SORCS2: variants seen among roughly 807,000 people sequenced by gnomAD.
SORCS2 encodes the protein VPS10 domain-containing receptor SorCS2.
A neutral mutation model predicts 141.6 loss-of-function variants in SORCS2; 100 were observed. The ratio of observed to expected loss-of-function variants is 0.71; its 90% CI spans 0.60 to 0.83. SORCS2 has a LOEUF of 0.83. Among genes scored for constraint, SORCS2 ranks in the 40% least tolerant of loss-of-function variants. The pLI is 0.00. For missense variants in SORCS2, 1,646 were observed against 1,560.2 expected, an observed-to-expected ratio of 1.05 and a Z score of -0.93; for synonymous variants, 789 against 676.9, an observed-to-expected ratio of 1.17 and a Z score of -2.57.
chr4:7,399,280 A>G (rs1724418033), intron 2 of SORCS2, among the ~76,000 whole-genome samples: 1 of 149,490 alleles, frequency 6.7e-6, no homozygotes. Flanking sequence ...GCCCCTGTGG[A>G]TGGAAGGCTG....
intron 3 of SORCS2, among the ~76,000 whole-genome samples, chr4:7,585,894 G>A (rs1716505308): frequency 6.6e-6 from 1 of 152,218 alleles, no homozygotes; most frequent in South Asian, 2.1e-4. Flanking sequence ...GACATCTGAA[G>A]GGGTTGCTCT....
chr4:7,735,467 G>A (rs989309291), intron 25 of SORCS2: 6 of 154,350 alleles, frequency 3.9e-5, no homozygotes, highest in Middle Eastern at 5.1e-4. Context: ...GTCTGGGAGC[G>A]CGTCCAGGAG....
At chr4:7,597,730 G>C (rs1268547601) in intron 3 of SORCS2, among the ~76,000 whole-genome samples, 13 of 150,948 alleles carry the variant, frequency 8.6e-5, no homozygotes, top group Admixed American at 8.6e-4. Context: ...TATTGCAATG[G>C]AAGAGGGGGC....
intron 7 of SORCS2, among the ~76,000 whole-genome samples, chr4:7,666,153 C>T (rs554228879): frequency 6.9e-4 from 105 of 152,200 alleles, no homozygotes; most frequent in African/African-American, 2.5e-3. Context: ...GAGGCAGGAG[C>T]CGGGCAGTAA....
intron 4 of SORCS2, among the ~76,000 whole-genome samples, chr4:7,641,056 A>G (rs1720697880): frequency 6.6e-6 from 1 of 152,256 alleles, no homozygotes; most frequent in South Asian, 2.1e-4. Flanking sequence ...GGCAAACACA[A>G]GCTGCCCAAA....
intron 1 of SORCS2, among the ~76,000 whole-genome samples, chr4:7,264,073 G>A (rs561694240): frequency 1.3e-5 from 2 of 152,200 alleles, no homozygotes; most frequent in Non-Finnish European, 2.9e-5. Flanking sequence ...GGATGGGGGA[G>A]CAGAGAAGTA....
At chr4:7,692,917 C>T (rs888039089) in intron 11 of SORCS2, among the ~76,000 whole-genome samples, 3 of 152,200 alleles carry the variant, frequency 2.0e-5, no homozygotes, top group South Asian at 4.1e-4. Context: ...AGAGGTCAGA[C>T]TGCAGAGGGA....
At chr4:7,224,922 C>T (rs1440379304) in intron 1 of SORCS2, among the ~76,000 whole-genome samples, 2 of 152,246 alleles carry the variant, frequency 1.3e-5, no homozygotes, top group Non-Finnish European at 2.9e-5. Flanking sequence ...TCATCTGTGA[C>T]ATCTTTGCTT....
At chr4:7,261,615 G>T (rs1200287847) in intron 1 of SORCS2, among the ~76,000 whole-genome samples, 1 of 152,200 alleles carries the variant, frequency 6.6e-6, no homozygotes, top group South Asian at 2.1e-4. Flanking sequence ...TACATATCCT[G>T]CATTTAATAA....
At chr4:7,502,383 T>G (rs1732025548) in intron 2 of SORCS2, among the ~76,000 whole-genome samples, 1 of 152,166 alleles carries the variant, frequency 6.6e-6, no homozygotes, top group African/African-American at 2.4e-5. Flanking sequence ...ATTCTTCACC[T>G]TGGGCTGGGC....
intron 1 of SORCS2, 118 bp from the exon 2 acceptor site, chr4:7,396,170 C>T (rs932669441): frequency 1.2e-6 from 1 of 849,456 alleles, no homozygotes. Flanking sequence ...AAGAGAGGCC[C>T]CTGGGCGGCT....
rs139578766 is a variant in SORCS2, at chr4:7,741,595, T to C, written c.*1331T>C. ...AACGCCAGAGCCCTGGCTGGTGATG[T>C]GCTGGCTGGGGGTGAATCCCAATGA... is the stretch of plus-strand genomic sequence containing the variant. On this transcript the variant is annotated 3_prime_UTR_variant, in exon 27 of 27. Transcript: ENST00000507866. 8,095 of 210,984 alleles carry C rather than the reference T, an allele frequency of 0.038. 223 individuals are homozygous for C. Among genetic ancestry groups the C allele is most frequent in the Middle Eastern group, 0.049 (31 of 630 alleles). 13.1% of individuals were successfully genotyped at this position (210,984 alleles called of 1,614,324 possible).
chr4:7,587,500 G>C (rs1225989652), intron 3 of SORCS2, among the ~76,000 whole-genome samples: 1 of 152,236 alleles, frequency 6.6e-6, no homozygotes. Context: ...ATCAGGGTTG[G>C]AGATGAGACT....
At chr4:7,482,304 T>C (rs369365176) in intron 2 of SORCS2, among the ~76,000 whole-genome samples, 4 of 19,818 alleles carry the variant, frequency 2.0e-4, no homozygotes, top group Non-Finnish European at 1.9e-4. Flanking sequence ...GTATCCCCAC[T>C]GCGGACACCC....
At chr4:7,553,301 T>C (rs1190637839) in intron 3 of SORCS2, among the ~76,000 whole-genome samples, 1 of 151,848 alleles carries the variant, frequency 6.6e-6, no homozygotes, top group Non-Finnish European at 1.5e-5. Context: ...TTTTCTTTAA[T>C]TATGAGAGGG....
chr4:7,617,717 T>C (rs1560429641), intron 3 of SORCS2, among the ~76,000 whole-genome samples: 1 of 152,190 alleles, frequency 6.6e-6, no homozygotes, highest in Non-Finnish European at 1.5e-5. Flanking sequence ...GAGCAACTTT[T>C]AGTTCAAGTT....
At chr4:7,342,367 G>A (rs1055261635) in intron 1 of SORCS2, among the ~76,000 whole-genome samples, 5 of 152,292 alleles carry the variant, frequency 3.3e-5, no homozygotes, top group Non-Finnish European at 4.4e-5. Context: ...TGCTGCTGCC[G>A]CCATCTTGCC....
At chr4:7,563,195 G>A (rs993054640) in intron 3 of SORCS2, among the ~76,000 whole-genome samples, 3 of 152,112 alleles carry the variant, frequency 2.0e-5, no homozygotes, top group Admixed American at 6.5e-5. Flanking sequence ...CCCACACCAG[G>A]CATGCCCAGA....
intron 4 of SORCS2, among the ~76,000 whole-genome samples, chr4:7,640,934 T>A (rs1720692055): frequency 6.6e-6 from 1 of 152,106 alleles, no homozygotes; most frequent in African/African-American, 2.4e-5. Context: ...GGAAAGAGGC[T>A]GTGGAACTGT....
Sources: allele counts gnomAD v4.1 joint callset (sites outside exome capture counted in the v4.1 genomes callset), GRCh38; gene constraint gnomAD v4.1.1; transcripts MANE v1.5; gene names NCBI Gene and HGNC (gene_info 2026-07-23, HGNC 2026-07-21).